GLI3: variants seen among roughly 807,000 people sequenced by gnomAD.
GLI3 encodes the protein GLI family zinc finger 3.
Under a neutral mutation model 100.8 loss-of-function variants are expected in GLI3, and 20 were observed. The ratio of observed to expected loss-of-function variants is 0.20; its 90% CI spans 0.14 to 0.29. The LOEUF (loss-of-function observed/expected upper bound fraction) is 0.29. GLI3 is among the 10% of genes least tolerant of loss of function. The pLI, the probability that GLI3 is intolerant of heterozygous loss-of-function variation, is 1.00. For synonymous variants in GLI3, 938 were observed against 860.5 expected (o/e 1.09, Z -1.58); for missense variants, 2,040 against 2,128.5 (o/e 0.96, Z 0.82).
intron 3 of GLI3, among the ~76,000 whole-genome samples, chr7:42,134,435 C>T (rs959706601): frequency 2.0e-5 from 3 of 152,226 alleles, no homozygotes; most frequent in Non-Finnish European, 4.4e-5. Flanking sequence ...GGGCACTTTC[C>T]GTAGCCGCTA....
At chr7:41,975,563 A>T (rs895114642) in intron 12 of GLI3, among the ~76,000 whole-genome samples, 5 of 152,240 alleles carry the variant, frequency 3.3e-5, no homozygotes, top group African/African-American at 1.2e-4. Context: ...TAAATTGCTC[A>T]AGTGTGGTCA....
In GLI3 at chr7:41,966,033, C is replaced by T. The variant is rs373643864; in HGVS notation, c.3040G>A (p.Glu1014Lys). 6.3e-7 allele frequency: 1 copy of T among 1,592,330 alleles called. No homozygotes were observed. Among genetic ancestry groups the T allele is most frequent in the South Asian group, 1.1e-5 (1 of 90,052 alleles). Residue 1014 changes from glutamate (E) to lysine (K), a missense_variant, in exon 15 of 15, where the codon GAG becomes AAG. This residue lies in a region of GLI3 where 1,041 missense variants were observed against 924.0 expected (regional missense o/e 1.13). Coordinates refer to ENST00000395925, the MANE Select transcript of GLI3 (RefSeq NM_000168.6). The surrounding 1 kb of genome is among the most constrained non-coding windows in gnomAD (Gnocchi z 5.8). Reference sequence around the variant, plus strand: ...GGCACACGAGGCAGGGCCAGGCCCTCGGAGCCTGTCCGCACCGGGTCGCTG... The same window carrying T: ...GGCACACGAGGCAGGGCCAGGCCCTTGGAGCCTGTCCGCACCGGGTCGCTG... Reference protein sequence around the residue: ...RASDPVRTGSEGLALPRVPRF... With the variant: ...RASDPVRTGSKGLALPRVPRF...
At chr7:42,055,612 A>T (rs1784444088) in intron 4 of GLI3, among the ~76,000 whole-genome samples, 1 of 151,984 alleles carries the variant, frequency 6.6e-6, no homozygotes, top group Admixed American at 6.6e-5. Flanking sequence ...TAGGGGCTTT[A>T]CTATTACTTG....
intron 1 of GLI3, among the ~76,000 whole-genome samples, chr7:42,261,200 AACACACACACAC>A (rs10524898): frequency 1.4e-5 from 2 of 147,334 alleles, no homozygotes; most frequent in African/African-American, 5.0e-5. Context: ...CACACACACA[AACACACACACAC>A]ACACACACAC....
intron 3 of GLI3, among the ~76,000 whole-genome samples, chr7:42,099,191 G>A (rs1785405462): frequency 1.3e-5 from 2 of 152,176 alleles, no homozygotes; most frequent in South Asian, 4.1e-4. Flanking sequence ...TTGCTACATT[G>A]ATAGTAACTT....
intron 2 of GLI3, among the ~76,000 whole-genome samples, chr7:42,206,255 G>A (rs1011359576): frequency 3.3e-5 from 5 of 151,454 alleles, no homozygotes; most frequent in Admixed American, 6.6e-5. Context: ...GCAACAGAAC[G>A]AGACCCCATC....
Position 42,006,985 on chromosome 7 carries a change from G to A in GLI3, c.1497+16483C>T, listed in dbSNP as rs1237103341. Among the ~76,000 whole-genome samples the A allele has an allele frequency of 2.0e-5, 3 of 152,126 alleles. No homozygotes were observed. In the East Asian group the frequency reaches 5.8e-4, roughly 29 times the overall value. ...GGGTCATTTCTCAGGCAACAGAAAT[G>A]TGGCTGGGTTCCACAGGCAGCAGGT... On this transcript the variant is annotated intron_variant, in intron 10 of 14. Coordinates refer to ENST00000395925, the MANE Select transcript of GLI3 (RefSeq NM_000168.6).
chr7:42,062,133 T>C (rs1012840524), intron 4 of GLI3, among the ~76,000 whole-genome samples: 1 of 152,162 alleles, frequency 6.6e-6, no homozygotes, highest in Admixed American at 6.6e-5. Context: ...AGCCTCACTG[T>C]TTCATCTGTC....
chr7:41,977,801 G>T, intron 11 of GLI3, 79 bp from the exon 12 acceptor site: 1 of 1,290,292 alleles, frequency 7.8e-7, no homozygotes, highest in Non-Finnish European at 1.1e-6. Context: ...CCAAGTTGAT[G>T]AAAAACTGAT....
At chr7:42,130,334 T>C (rs933247097) in intron 3 of GLI3, among the ~76,000 whole-genome samples, 5 of 152,094 alleles carry the variant, frequency 3.3e-5, no homozygotes, top group African/African-American at 9.7e-5. Flanking sequence ...CAAGGATCAC[T>C]AGGTTTTATG....
intron 7 of GLI3, among the ~76,000 whole-genome samples, chr7:42,037,090 G>A (rs930518363): frequency 4.6e-5 from 7 of 152,226 alleles, no homozygotes; most frequent in Admixed American, 4.6e-4. Flanking sequence ...ACAGTGAGCC[G>A]AGATCGTGCC....
At chr7:42,190,300 A>G (rs1368913935) in intron 2 of GLI3, among the ~76,000 whole-genome samples, 1 of 152,196 alleles carries the variant, frequency 6.6e-6, no homozygotes, top group Non-Finnish European at 1.5e-5. Flanking sequence ...GATGGGGAAC[A>G]CAACAAACTA....
rs1436290143 is a variant in GLI3 at position 41,965,498 on chromosome 7, C to T, written c.3575G>A (p.Gly1192Glu). ...GTGGACGACCATGCCGTTGCAGAAC[C>T]CAAAGGCGCGAGTCTGCGGCACAGC... is the stretch of plus-strand genomic sequence containing the variant. Reference protein sequence around the residue: ...RPAVPQTRAFGFCNGMVVHPQ... With the variant: ...RPAVPQTRAFEFCNGMVVHPQ... Residue 1192 changes from glycine to glutamate, a missense_variant, in exon 15 of 15, where the codon GGG becomes GAG. By Grantham distance (98) the Gly-to-Glu change is moderately conservative. Around this residue, in one of 5 missense-constraint regions of GLI3, gnomAD observed 1,041 missense variants for 924.0 expected, o/e 1.13. Coordinates refer to ENST00000395925, the MANE Select transcript of GLI3 (RefSeq NM_000168.6). 1.9e-6 allele frequency: 3 copies of T among 1,608,260 alleles called. No homozygotes were observed. Among genetic ancestry groups the T allele is most frequent in the Non-Finnish European group, 1.7e-6 (2 of 1,175,878 alleles).
intron 10 of GLI3, among the ~76,000 whole-genome samples, chr7:41,985,668 C>A (rs1437891073): frequency 6.6e-6 from 1 of 152,146 alleles, no homozygotes; most frequent in Non-Finnish European, 1.5e-5. Flanking sequence ...AAACTTCCTG[C>A]CTGAAATAAG....
At chr7:42,249,432 C>A (rs914457435) in intron 1 of GLI3, among the ~76,000 whole-genome samples, 1 of 152,152 alleles carries the variant, frequency 6.6e-6, no homozygotes, top group Non-Finnish European at 1.5e-5. Context: ...AGCTTGTCAC[C>A]TTACAAAAAC....
chr7:42,068,150 G>T (rs1031879140), intron 4 of GLI3, among the ~76,000 whole-genome samples: 5 of 152,234 alleles, frequency 3.3e-5, no homozygotes, highest in Non-Finnish European at 5.9e-5. Context: ...ACACACAAGA[G>T]AAAAGAGGCA....
intron 13 of GLI3, among the ~76,000 whole-genome samples, chr7:41,970,618 T>C (rs1217268606): frequency 6.6e-6 from 1 of 152,202 alleles, no homozygotes; most frequent in Admixed American, 6.5e-5. Context: ...CATCTCAATG[T>C]TGCTGAGCCA....
At chr7:42,148,729 G>T (rs1486549001) in intron 2 of GLI3, among the ~76,000 whole-genome samples, 1 of 152,128 alleles carries the variant, frequency 6.6e-6, no homozygotes, top group East Asian at 1.9e-4. Flanking sequence ...AGATGTAGGG[G>T]TTGGCAAATT....
chr7:42,238,397 A>G (rs1173354450), upstream of GLI3, among the ~76,000 whole-genome samples: 2 of 151,916 alleles, frequency 1.3e-5, no homozygotes, highest in Non-Finnish European at 2.9e-5. Context: ...CATTTTCCCA[A>G]AGCCATCCCC....
Sources: allele counts gnomAD v4.1 joint callset (sites outside exome capture counted in the v4.1 genomes callset), GRCh38; gene constraint gnomAD v4.1.1; regional missense constraint gnomAD v4.1.1; non-coding constraint Gnocchi (gnomAD v3.1); transcripts MANE v1.5; gene names NCBI Gene and HGNC (gene_info 2026-07-23, HGNC 2026-07-21).